Variants in FBXL17 observed in about 807,000 individuals in gnomAD.
FBXL17 encodes F-box and leucine rich repeat protein 17, also known as F-box/LRR-repeat protein 17.
Under a neutral mutation model 66.2 loss-of-function variants are expected in FBXL17, and 22 were observed. That is an observed-to-expected ratio of 0.33 (90% CI 0.24 to 0.47). FBXL17 has a LOEUF of 0.47. Ranked by LOEUF, FBXL17 falls within the 20% of genes least tolerant of loss-of-function variation. The probability of loss-of-function intolerance (pLI) is 1.00; values close to 1 mark genes in which losing one functional copy is unlikely to be tolerated. For missense variants in FBXL17, 878 were observed against 948.2 expected (o/e 0.93, Z 0.97); for synonymous variants, 474 against 400.5 (o/e 1.18, Z -2.19).
intron 5 of FBXL17, among the ~76,000 whole-genome samples, chr5:108,191,423 T>C (rs1319470579): frequency 6.6e-6 from 1 of 152,190 alleles, no homozygotes; most frequent in Non-Finnish European, 1.5e-5. Flanking sequence ...GTTATGTACA[T>C]TTTACCACAA....
intron 8 of FBXL17, among the ~76,000 whole-genome samples, chr5:107,867,910 T>A (rs1437198602): frequency 6.6e-6 from 1 of 152,234 alleles, no homozygotes; most frequent in African/African-American, 2.4e-5. Flanking sequence ...TTTCGTGTGT[T>A]AAGAGACAAT....
At chr5:108,089,382 G>A (rs1006369522) in intron 6 of FBXL17, among the ~76,000 whole-genome samples, 2 of 152,128 alleles carry the variant, frequency 1.3e-5, no homozygotes, top group Non-Finnish European at 2.9e-5. Context: ...CTGGCCACAG[G>A]AGCTGATTTT....
intron 8 of FBXL17, among the ~76,000 whole-genome samples, chr5:107,876,706 T>C (rs1358146863): frequency 6.6e-6 from 1 of 152,172 alleles, no homozygotes; most frequent in African/African-American, 2.4e-5. Flanking sequence ...TACAGCTTTA[T>C]CATGATTTTT....
chr5:108,341,092 G>A (rs1016866849), intron 4 of FBXL17, among the ~76,000 whole-genome samples: 3 of 152,176 alleles, frequency 2.0e-5, no homozygotes, highest in Middle Eastern at 6.8e-3. Context: ...TAAAACAGTA[G>A]AAGCAATGTA....
At chr5:108,363,873 AAT>A (rs751510267) in intron 3 of FBXL17, among the ~76,000 whole-genome samples, 12 of 152,036 alleles carry the variant, frequency 7.9e-5, no homozygotes, top group Non-Finnish European at 8.8e-5. Context: ...ATATACACAA[AAT>A]ATATATTTCT....
At chr5:108,100,787 CT>C (rs1444326891) in intron 6 of FBXL17, among the ~76,000 whole-genome samples, 1 of 152,180 alleles carries the variant, frequency 6.6e-6, no homozygotes, top group Non-Finnish European at 1.5e-5. Context: ...AATGTCATAG[CT>C]TTAATGATCT....
At chr5:108,288,010 G>C (rs971013929) in intron 4 of FBXL17, among the ~76,000 whole-genome samples, 2 of 151,950 alleles carry the variant, frequency 1.3e-5, no homozygotes, top group Admixed American at 1.3e-4. Flanking sequence ...AACAAACAAA[G>C]GAACAGAAAA....
rs187412050 is a variant in FBXL17, at chr5:107,980,034, T to C, written c.1822+40891A>G. On this transcript the variant is annotated intron_variant, in intron 7 of 8. Transcript: ENST00000542267. ...GAAAGAAATAGTCATTTATTTGAAA[T>C]AGACCAAGAAGTGTCACTTGACCAC... Among the ~76,000 whole-genome samples the C allele has an allele frequency of 1.2e-4, 18 of 152,306 alleles. No homozygotes were observed. The East Asian group carries it at 3.5e-3, about 29-fold the overall frequency.
chr5:107,895,338 TC>T (rs575519512), intron 7 of FBXL17, among the ~76,000 whole-genome samples: 112 of 152,238 alleles, frequency 7.4e-4, no homozygotes, highest in African/African-American at 2.6e-3. Flanking sequence ...AATTTTACCT[TC>T]GAGGCTTTAT....
intron 6 of FBXL17, among the ~76,000 whole-genome samples, chr5:108,126,649 CTCTATATATATATACA>C (rs1412567199): frequency 5.0e-5 from 4 of 79,786 alleles, no homozygotes; most frequent in Non-Finnish European, 2.7e-5. Flanking sequence ...CTCTCTCTCT[CTCTATATATATATACA>C]TATATATATA....
intron 4 of FBXL17, among the ~76,000 whole-genome samples, chr5:108,327,816 G>C (rs944979680): frequency 6.6e-6 from 1 of 152,126 alleles, no homozygotes; most frequent in Non-Finnish European, 1.5e-5. Flanking sequence ...ATGAAGAAGA[G>C]AGAAGAAAAA....
chr5:107,915,991 A>C (rs937834947), intron 7 of FBXL17, among the ~76,000 whole-genome samples: 2 of 152,170 alleles, frequency 1.3e-5, no homozygotes, highest in African/African-American at 2.4e-5. Context: ...ATAAAGATTC[A>C]TTTAATACTT....
intron 7 of FBXL17, among the ~76,000 whole-genome samples, chr5:107,912,248 C>CATCTAATCCT (rs1260014967): frequency 6.6e-6 from 1 of 152,098 alleles, no homozygotes; most frequent in East Asian, 1.9e-4. Context: ...ATCCTTATCA[C>CATCTAATCCT]AACTCCATGA....
chr5:107,957,376 A>G (rs1751703626), intron 7 of FBXL17, among the ~76,000 whole-genome samples: 1 of 151,940 alleles, frequency 6.6e-6, no homozygotes, highest in Non-Finnish European at 1.5e-5. Context: ...AGGAAACAAG[A>G]TTTTTTCCCA....
At chr5:108,129,618 A>G (rs1486504610) in intron 6 of FBXL17, among the ~76,000 whole-genome samples, 1 of 152,062 alleles carries the variant, frequency 6.6e-6, no homozygotes, top group African/African-American at 2.4e-5. Flanking sequence ...TTATTTAAAT[A>G]TGTCTCTACT....
chr5:108,225,181 G>A (rs936066372), intron 4 of FBXL17, among the ~76,000 whole-genome samples: 8 of 152,092 alleles, frequency 5.3e-5, no homozygotes, highest in African/African-American at 1.9e-4. Context: ...GACCATTTAT[G>A]ACTGGCTTCT....
chr5:108,059,209 CCA>C (rs1465183261), intron 6 of FBXL17, among the ~76,000 whole-genome samples: 1 of 152,118 alleles, frequency 6.6e-6, no homozygotes, highest in Non-Finnish European at 1.5e-5. Flanking sequence ...GCAACAATTA[CCA>C]CAGAGTGAAA....
At chr5:108,161,634 A>G (rs994351658) in intron 6 of FBXL17, among the ~76,000 whole-genome samples, 2 of 152,240 alleles carry the variant, frequency 1.3e-5, no homozygotes, top group African/African-American at 4.8e-5. Context: ...CCACTGGGCA[A>G]TAATGAATCA....
intron 5 of FBXL17, among the ~76,000 whole-genome samples, chr5:108,212,239 T>C (rs535016536): frequency 2.6e-5 from 4 of 152,358 alleles, no homozygotes; most frequent in African/African-American, 9.6e-5. Flanking sequence ...TCTAACCTTT[T>C]TTCAAGGTTC....
Sources: gnomAD v4.1 joint callset for allele counts (sites outside exome capture counted in the v4.1 genomes callset) on GRCh38, gnomAD v4.1.1 for gene constraint, MANE v1.5 for transcripts, NCBI Gene and HGNC (gene_info 2026-07-23, HGNC 2026-07-21) for gene names.